The following SCRIB variants were observed in gnomAD, a reference collection of about 807,000 sequenced individuals.
SCRIB encodes the protein protein scribble homolog.
A neutral mutation model predicts 170.0 loss-of-function variants in SCRIB; 72 were observed. The ratio of observed to expected loss-of-function variants is 0.42; its 90% CI spans 0.35 to 0.52. The LOEUF is 0.52. Among genes scored for constraint, SCRIB ranks in the 20% least tolerant of loss-of-function variants. The pLI, the probability that SCRIB is intolerant of heterozygous loss-of-function variation, is 0.02. For synonymous variants in SCRIB, 1,298 were observed against 1,044.3 expected (o/e 1.24, Z -4.68); for missense variants, 2,475 against 2,338.5 (o/e 1.06, Z -1.20).
intron 24 of SCRIB, among the ~76,000 whole-genome samples, chr8:143,802,255 C>T (rs1169524030): frequency 6.6e-6 from 1 of 152,234 alleles, no homozygotes; most frequent in Non-Finnish European, 1.5e-5. Flanking sequence ...AGCTGTGGAG[C>T]AAAAACAACG....
rs782110167 is a variant in SCRIB at position 143,803,920 on chromosome 8, G to A, written c.3141C>T (p.Ala1047=). ...CCCCAACCCGCAGGCCGCTGCGAGC[G>A]GCCAGGCCCCGCGGGAGCACCTGTC... ...FISKVLPRGL[A]ARSGLRVGDR... The change falls in exon 23 of 37, where the codon GCC becomes GCT. Residue 1047 remains alanine (A), a synonymous_variant. Transcript: ENST00000356994. The A allele has an allele frequency of 1.6e-5, 26 of 1,587,854 alleles. No individual in the cohort carries two copies. Among genetic ancestry groups the A allele is most frequent in the African/African-American group, 1.1e-4 (8 of 74,556 alleles).
chr8:143,809,138 A>AAGACTCAGCACTAACTGCCC (rs1212912229), intron 14 of SCRIB, 113 bp from the exon 15 acceptor site: 11 of 1,374,536 alleles, frequency 8.0e-6, no homozygotes, highest in East Asian at 7.3e-5. Flanking sequence ...CCGCCACACA[A>AAGACTCAGCACTAACTGCCC]AGACTCAGCA....
chr8:143,814,154 A>C, intron 1 of SCRIB, 36 bp from the exon 2 acceptor site: 1 of 1,496,466 alleles, frequency 6.7e-7, no homozygotes, highest in Non-Finnish European at 9.1e-7. Flanking sequence ...TGTGGCAGAG[A>C]CCACTGCAGA....
rs1178923882 is a variant in SCRIB, at chr8:143,792,991, C to T, written c.4002G>A (p.Glu1334=). 4.0e-6 allele frequency: 6 copies of T among 1,511,508 alleles called. No individual in the cohort carries two copies. Among genetic ancestry groups the T allele is most frequent in the Non-Finnish European group, 5.3e-6 (6 of 1,128,288 alleles). The allele number at this position is 1,511,508 out of a possible 1,614,324, so 93.6% of individuals were successfully genotyped here. ...FAAVPTSHPP[E]DAPAQPPTPG... ...CCCCACACACCTGGGCAGGGGCATC[C>T]TCAGGCGGGTGAGAAGTGGGCACGG... The change falls in exon 29 of 37, where the codon GAG becomes GAA. Residue 1334 remains glutamate (E), a synonymous_variant. Transcript: ENST00000356994.
chr8:143,813,560 AG>A, intron 4 of SCRIB, 34 bp from the exon 5 acceptor site: 1 of 1,613,178 alleles, frequency 6.2e-7, no homozygotes, highest in Non-Finnish European at 8.5e-7. Flanking sequence ...GGCAAGAGGA[AG>A]GAAAGCAGTG....
rs1222812293 is a variant in SCRIB, at chr8:143,815,758, T to C, written c.-386A>G. 1 of 983,286 alleles carries C rather than the reference T, an allele frequency of 1.0e-6. No homozygotes were observed. Among genetic ancestry groups the C allele is most frequent in the Non-Finnish European group, 1.2e-6 (1 of 829,314 alleles). 60.9% of individuals were successfully genotyped at this position (983,286 alleles called of 1,614,324 possible). A position where few individuals can be genotyped will look rare whatever the true frequency, so the allele number is the denominator to read the frequency against. ...ACCCACCCGGCCGCCGCGCAGCCCG[T>C]CGGGAAGCCGAGTCCGGCCCTCGCC... On this transcript the variant is annotated 5_prime_UTR_variant, in exon 1 of 37. Transcript: ENST00000356994.
chr8:143,808,094 T>C (rs1464669956), intron 15 of SCRIB, among the ~76,000 whole-genome samples: 11 of 152,074 alleles, frequency 7.2e-5, no homozygotes, highest in African/African-American at 2.7e-4. Flanking sequence ...GCCTCGGGCC[T>C]GCAGTGCCCA....
At chr8:143,804,264 G>A in intron 21 of SCRIB, 108 bp from the exon 22 acceptor site, 1 of 822,352 alleles carries the variant, frequency 1.2e-6, no homozygotes. Flanking sequence ...GGCGGGGGCT[G>A]CCCTAATGCC....
intron 28 of SCRIB, 150 bp from the exon 29 acceptor site, chr8:143,793,233 C>T (rs1814787954): frequency 1.9e-6 from 1 of 530,914 alleles, no homozygotes; most frequent in East Asian, 3.3e-5. Flanking sequence ...TCTGCCACCC[C>T]CACCCACGGG....
In SCRIB at chr8:143,792,752, G is replaced by A. The variant is rs782099715; in HGVS notation, c.4133C>T (p.Ser1378Phe). 5 of 1,591,832 alleles carry A rather than the reference G, an allele frequency of 3.1e-6. No individual in the cohort carries two copies. In the Admixed American group the frequency reaches 5.2e-5, roughly 16 times the overall value. The stretch of plus-strand genomic sequence containing the variant: ...CCGCAGGTCGTCAGCACCCACCAGG[G>A]ACACGCGCTTAGGGGGGCCCTCGGC... ...PQAEGPPKRV[S>F]LVGADDLRKM... The change falls in exon 30 of 37, where the codon TCC becomes TTC. Residue 1378 changes from serine (S) to phenylalanine (F), a missense_variant. By Grantham distance (155) the Ser-to-Phe change is radical. Transcript: ENST00000356994.
intron 28 of SCRIB, chr8:143,793,562 T>G (rs540458786): frequency 1.0e-4 from 36 of 346,864 alleles, no homozygotes; most frequent in African/African-American, 6.7e-4. Context: ...GTGCCAACAG[T>G]GGGGGGGCAA....
intron 1 of SCRIB, 24 bp downstream of exon 1, chr8:143,815,190 C>T (rs1312385121): frequency 1.9e-6 from 3 of 1,546,146 alleles, no homozygotes; most frequent in Non-Finnish European, 1.7e-6. Flanking sequence ...CGCCTTTGGG[C>T]GGCAGGTGCG....
intron 28 of SCRIB, 175 bp downstream of exon 28, chr8:143,793,725 G>A (rs890901561): frequency 1.3e-5 from 8 of 599,214 alleles, no homozygotes; most frequent in East Asian, 2.9e-5. Flanking sequence ...CCAGGAAAGC[G>A]TCCCTGGCCT....
Position 143,795,481 on chromosome 8 carries a change from C to A in SCRIB, c.3653G>T (p.Arg1218Leu). Reference protein sequence around the residue: ...ANPFAAGIGHRNSLESISSID... With the variant: ...ANPFAAGIGHLNSLESISSID... ...GGAAGAGATGCTCTCCAGGCTGTTC[C>A]GGTGGCCGATGCCTGCCGCAAAGGG... Residue 1218 changes from arginine (R) to leucine (L), a missense_variant, in exon 25 of 37, where the codon CGG becomes CTG. By Grantham distance (102) the Arg-to-Leu change is moderately radical. This residue lies in a region of SCRIB where 1,966 missense variants were observed against 1,742.9 expected (regional missense o/e 1.13). Transcript: ENST00000356994. The A allele has an allele frequency of 6.2e-7, 1 of 1,613,092 alleles. No homozygotes were observed. The highest frequency in any genetic ancestry group is 8.5e-7 in the Non-Finnish European group (1 of 1,179,788).
In SCRIB at chr8:143,803,632, G is replaced by A. The variant is rs782181695; in HGVS notation, c.3414+15C>T. The A allele has an allele frequency of 1.3e-6, 2 of 1,533,258 alleles. No individual in the cohort carries two copies. Among genetic ancestry groups the A allele is most frequent in the Non-Finnish European group, 1.8e-6 (2 of 1,140,544 alleles). 95.0% of individuals were successfully genotyped at this position (1,533,258 alleles called of 1,614,324 possible). A position where few individuals can be genotyped will look rare whatever the true frequency, so the allele number is the denominator to read the frequency against. On this transcript the variant is annotated intron_variant, in intron 23 of 36. Coordinates refer to ENST00000356994, the MANE Select transcript of SCRIB (RefSeq NM_182706.5). ...GGGGTGGGGCCCAGGGCGGGCTGGG[G>A]TGGGGGGGGCTCACCTTGGAGATGA...
chr8:143,815,612 C>T lies in SCRIB; in HGVS notation c.-240G>A, dbSNP rs1388969995. On this transcript the variant is annotated 5_prime_UTR_variant, in exon 1 of 37. Transcript: ENST00000356994. ...GCGGGTCTCAGACTCTTAGGAAGCG[C>T]GGGGAGCGGCGGCGGCGGCGGCTCC... 1 of 981,928 alleles carries T rather than the reference C, an allele frequency of 1.0e-6. No homozygotes were observed. Among genetic ancestry groups the T allele is most frequent in the Non-Finnish European group, 1.2e-6 (1 of 828,478 alleles). The allele number at this position is 981,928 out of a possible 1,614,324, so 60.8% of individuals were successfully genotyped here. A position where few individuals can be genotyped will look rare whatever the true frequency, so the allele number is the denominator to read the frequency against.
intron 24 of SCRIB, among the ~76,000 whole-genome samples, chr8:143,799,697 C>T (rs1213920854): frequency 6.6e-6 from 1 of 151,966 alleles, no homozygotes; most frequent in African/African-American, 2.4e-5. Flanking sequence ...AAAGTCAAGG[C>T]CCGACAGCAA....
intron 9 of SCRIB, 47 bp from the exon 10 acceptor site, chr8:143,811,392 T>G: frequency 6.4e-7 from 1 of 1,558,390 alleles, no homozygotes; most frequent in Non-Finnish European, 8.8e-7. Flanking sequence ...TTGCTGGGGG[T>G]GGGAAGGAGA....
chr8:143,807,092 C>G, intron 16 of SCRIB, 79 bp from the exon 17 acceptor site: 3 of 1,012,772 alleles, frequency 3.0e-6, no homozygotes, highest in Middle Eastern at 2.1e-4. Flanking sequence ...CCCACCAGCA[C>G]GCAGATGCCA....
Sources: allele counts gnomAD v4.1 joint callset (sites outside exome capture counted in the v4.1 genomes callset), GRCh38; gene constraint gnomAD v4.1.1; regional missense constraint gnomAD v4.1.1; transcripts MANE v1.5; gene names NCBI Gene and HGNC (gene_info 2026-07-23, HGNC 2026-07-21).